The following FOXA2 variants were observed in gnomAD, a reference collection of about 807,000 sequenced individuals.
FOXA2 encodes forkhead box A2.
Under a neutral mutation model 33.3 loss-of-function variants are expected in FOXA2, and 9 were observed. The observed-to-expected ratio is 0.27, with a 90% CI of 0.16 to 0.47. The LOEUF (loss-of-function observed/expected upper bound fraction) is 0.47. Ranked by LOEUF, FOXA2 falls within the 20% of genes least tolerant of loss-of-function variation. FOXA2 has a pLI of 0.99. For missense variants in FOXA2, 704 were observed against 659.9 expected (o/e 1.07, Z -0.73); for synonymous variants, 329 against 289.4 (o/e 1.14, Z -1.39).
In FOXA2 at chr20:22,581,938, T is replaced by C. The variant is rs374693904; in HGVS notation, c.1304A>G (p.Asn435Ser). 3.7e-6 allele frequency: 6 copies of C among 1,611,436 alleles called. No homozygotes were observed. The African/African-American group carries it at 6.7e-5, about 18-fold the overall frequency. ...GGGCGAGGCGTCCAGGCCCGTTTTGTTCGTGACCGGGCCCATGGCCAAGCT... is the reference window on the plus strand; with the variant it reads ...GGGCGAGGCGTCCAGGCCCGTTTTGCTCGTGACCGGGCCCATGGCCAAGCT... ...PGSLAMGPVTNKTGLDASPLA... is the reference protein window; with the variant it reads ...PGSLAMGPVTSKTGLDASPLA... The change falls in exon 2 of 2, where the codon AAC (asparagine) becomes AGC (serine). Residue 435 changes from asparagine (N) to serine (S), a missense_variant. Around this residue, in one of 5 missense-constraint regions of FOXA2, gnomAD observed 343 missense variants for 274.8 expected, o/e 1.25. Coordinates refer to ENST00000419308, the MANE Select transcript of FOXA2 (RefSeq NM_021784.5).
rs1031927777 is a variant in FOXA2, at chr20:22,581,381, T to A, written c.*469A>T. On this transcript the variant is annotated 3_prime_UTR_variant, in exon 2 of 2. Transcript: ENST00000419308. ...ATTTACAACAGACCCTTACATTATT[T>A]TTTTTCCTGTTTTTAAACAATAGTA... The A allele has an allele frequency of 1.3e-5, 2 of 153,440 alleles. No homozygotes were observed. Among genetic ancestry groups the A allele is most frequent in the African/African-American group, 4.8e-5 (2 of 41,490 alleles). 9.5% of individuals were successfully genotyped at this position (153,440 alleles called of 1,614,324 possible).
rs1303002383 is a variant in FOXA2, at chr20:22,583,052, T to G, written c.190A>C (p.Met64Leu). 1 of 1,610,006 alleles carries G rather than the reference T, an allele frequency of 6.2e-7. No individual in the cohort carries two copies. The highest frequency in any genetic ancestry group is 2.2e-5 in the East Asian group (1 of 44,844). ...AAAMGSGSGN[M>L]SAGSMNMSSY... ...GACATGTTCATGGAGCCCGCGCTCA[T>G]GTTGCCCGAGCCGCTGCCCATGGCG... Residue 64 changes from methionine (M) to leucine (L), a missense_variant, in exon 2 of 2, where the codon ATG becomes CTG. This residue lies in a region of FOXA2 where 304 missense variants were observed against 251.7 expected (regional missense o/e 1.21). Coordinates refer to ENST00000419308, the MANE Select transcript of FOXA2 (RefSeq NM_021784.5).
chr20:22,584,423 C>A lies in FOXA2; in HGVS notation c.-145G>T. 1 of 693,532 alleles carries A rather than the reference C, an allele frequency of 1.4e-6. No homozygotes were observed. The highest frequency in any genetic ancestry group is 2.1e-5 in the Admixed American group (1 of 47,510). The allele number at this position is 693,532 out of a possible 1,614,324, so 43.0% of individuals were successfully genotyped here. A position where few individuals can be genotyped will look rare whatever the true frequency, so the allele number is the denominator to read the frequency against. On this transcript the variant is annotated 5_prime_UTR_variant, in exon 1 of 2. Transcript: ENST00000419308. ...TCTCCCTGGGCTCCACTCCCTCTCT[C>A]TCCCTGGGCAGGCCGGAGGCGGTAG...
intron 1 of FOXA2, among the ~76,000 whole-genome samples, chr20:22,583,647 C>A (rs530403490): frequency 2.0e-5 from 3 of 152,224 alleles, no homozygotes; most frequent in Admixed American, 6.5e-5. Flanking sequence ...TCCAGGGACC[C>A]CCTCCCTTGT....
intron 1 of FOXA2, 46 bp from the exon 2 acceptor site, chr20:22,583,200 G>T: frequency 6.3e-7 from 1 of 1,594,520 alleles, no homozygotes; most frequent in Non-Finnish European, 8.5e-7. Flanking sequence ...TAGCACCGCG[G>T]CTGGAGGGTG....
chr20:22,582,610 T>C lies in FOXA2; in HGVS notation c.632A>G (p.Asn211Ser). 1 of 1,613,454 alleles carries C rather than the reference T, an allele frequency of 6.2e-7. No individual in the cohort carries two copies. The highest frequency in any genetic ancestry group is 8.5e-7 in the Non-Finnish European group (1 of 1,179,876). ...FYRQNQQRWQ[N>S]SIRHSLSFND... ...GAAGGAGAGCGAGTGGCGGATGGAG[T>C]TCTGCCAGCGCTGCTGGTTCTGCCG... Residue 211 changes from asparagine to serine, a missense_variant, in exon 2 of 2, where the codon AAC becomes AGC. Transcript: ENST00000419308.
rs752200690 is a variant in FOXA2, at chr20:22,581,981, C to A, written c.1261G>T (p.Gly421Cys). The A allele has an allele frequency of 6.2e-7, 1 of 1,613,710 alleles. No homozygotes were observed. Among genetic ancestry groups the A allele is most frequent in the South Asian group, 1.1e-5 (1 of 91,078 alleles). Residue 421 changes from glycine (G) to cysteine (C), a missense_variant, in exon 2 of 2, where the codon GGT becomes TGT. This residue lies in a region of FOXA2 where 343 missense variants were observed against 274.8 expected (regional missense o/e 1.25). Coordinates refer to ENST00000419308, the MANE Select transcript of FOXA2 (RefSeq NM_021784.5). Reference sequence around the variant, plus strand: ...GCCAAGCTGCCAGGCATGGGGGAACCGTAGCCGGGGTAGTGCATCACCTGT... The same window carrying A: ...GCCAAGCTGCCAGGCATGGGGGAACAGTAGCCGGGGTAGTGCATCACCTGT... Reference protein sequence around the residue: ...YEQVMHYPGYGSPMPGSLAMG... With the variant: ...YEQVMHYPGYCSPMPGSLAMG...
rs1476371668 is a variant in FOXA2 at position 22,582,975 on chromosome 20, G to A, written c.267C>T (p.Gly89=). 2 of 1,603,474 alleles carry A rather than the reference G, an allele frequency of 1.2e-6. No individual in the cohort carries two copies. The highest frequency in any genetic ancestry group is 2.7e-5 in the African/African-American group (2 of 74,710). ...MSPSLAGMSP[G]AGAMAGMGGS... is the part of the protein sequence containing the mutation. Reference sequence around the variant, plus strand: ...CGCCCATGCCCGCCATGGCGCCCGCGCCGGGGGACATCCCCGCCAGGGACG... The same window carrying A: ...CGCCCATGCCCGCCATGGCGCCCGCACCGGGGGACATCCCCGCCAGGGACG... Residue 89 remains glycine, a synonymous_variant, in exon 2 of 2, where the codon GGC becomes GGT. Transcript: ENST00000419308.
upstream of FOXA2, among the ~76,000 whole-genome samples, chr20:22,585,015 C>T (rs953821547): frequency 9.2e-5 from 14 of 152,188 alleles, no homozygotes; most frequent in African/African-American, 2.9e-4. Flanking sequence ...CAGCGAGTCC[C>T]CTGAGGAAGG....
intron 1 of FOXA2, 58 bp downstream of exon 1, chr20:22,584,134 G>A (rs1984684555): frequency 1.3e-5 from 20 of 1,544,064 alleles, no homozygotes; most frequent in Middle Eastern, 2.3e-4. Flanking sequence ...CGGTCCTGAG[G>A]TTGGGGAAGG....
Position 22,584,424 on chromosome 20 carries a change from T to C in FOXA2, c.-146A>G. On this transcript the variant is annotated 5_prime_UTR_variant, in exon 1 of 2. Transcript: ENST00000419308. ...CTCCCTGGGCTCCACTCCCTCTCTC[T>C]CCCTGGGCAGGCCGGAGGCGGTAGT... is the stretch of plus-strand genomic sequence containing the variant. 2.2e-6 allele frequency: 1 copy of C among 445,252 alleles called. No individual in the cohort carries two copies. The highest frequency in any genetic ancestry group is 4.3e-6 in the Non-Finnish European group (1 of 231,196). 27.6% of individuals were successfully genotyped at this position (445,252 alleles called of 1,614,324 possible).
chr20:22,581,597 A>T lies in FOXA2; in HGVS notation c.*253T>A. On this transcript the variant is annotated 3_prime_UTR_variant, in exon 2 of 2. Transcript: ENST00000419308. ...TAGTGGAAACCGGAGGCTTTTTTTT[A>T]ACTTTATATTCTTTCCCGTTTTCCT... 8.2e-6 allele frequency: 3 copies of T among 365,912 alleles called. No homozygotes were observed. The highest frequency in any genetic ancestry group is 1.5e-5 in the Non-Finnish European group (3 of 204,606). 22.7% of individuals were successfully genotyped at this position (365,912 alleles called of 1,614,324 possible).
Position 22,581,893 on chromosome 20 carries a change from T to C in FOXA2, c.1349A>G (p.Tyr450Cys), listed in dbSNP as rs753849283. 10 of 1,606,120 alleles carry C rather than the reference T, an allele frequency of 6.2e-6. No homozygotes were observed. In the South Asian group the frequency reaches 6.6e-5, roughly 11 times the overall value. Residue 450 changes from tyrosine to cysteine, a missense_variant, in exon 2 of 2, where the codon TAC becomes TGC. By Grantham distance (194) the Tyr-to-Cys change is radical. This residue lies in a region of FOXA2 where 343 missense variants were observed against 274.8 expected (regional missense o/e 1.25). Transcript: ENST00000419308. ...GGGCCGGGAGTACACCCCCTGGTAGTAGGAGGTATCTGCGGCCAGGGGCGA... is the reference window on the plus strand; with the variant it reads ...GGGCCGGGAGTACACCCCCTGGTAGCAGGAGGTATCTGCGGCCAGGGGCGA... ...DASPLAADTS[Y>C]YQGVYSRPIM... is the part of the protein sequence containing the mutation.
chr20:22,584,271 G>C lies in FOXA2; in HGVS notation c.8C>G (p.Ser3Trp), dbSNP rs941064640. ...CACCGCTCCCAGCATACTGGAAGCC[G>C]AGTGCATGGCAGTTTAAAATTTAAC... MH[S>W]ASSMLGAVKM... Residue 3 changes from serine to tryptophan, a missense_variant, in exon 1 of 2, where the codon TCG becomes TGG. Ser to Trp is a radical substitution (Grantham distance 177). Transcript: ENST00000419308. 2.0e-5 allele frequency: 32 copies of C among 1,613,606 alleles called. No homozygotes were observed. The highest frequency in any genetic ancestry group is 2.7e-5 in the Non-Finnish European group (32 of 1,179,758).
In FOXA2 at chr20:22,583,036, A is replaced by C; in HGVS notation, c.206T>G (p.Met69Arg). 6.2e-7 allele frequency: 1 copy of C among 1,610,070 alleles called. No individual in the cohort carries two copies. The highest frequency in any genetic ancestry group is 1.1e-5 in the South Asian group (1 of 91,056). ...SGSGNMSAGS[M>R]NMSSYVGAGM... ...AGCGCCCACGTACGACGACATGTTC[A>C]TGGAGCCCGCGCTCATGTTGCCCGA... Residue 69 changes from methionine to arginine, a missense_variant, in exon 2 of 2, where the codon ATG becomes AGG. By Grantham distance (91) the Met-to-Arg change is moderately conservative (BLOSUM62 -1). Around this residue, in one of 5 missense-constraint regions of FOXA2, gnomAD observed 304 missense variants for 251.7 expected, o/e 1.21. Transcript: ENST00000419308.
Position 22,584,398 on chromosome 20 carries a change from T to A in FOXA2, c.-120A>T. 1 of 685,236 alleles carries A rather than the reference T, an allele frequency of 1.5e-6. No individual in the cohort carries two copies. The highest frequency in any genetic ancestry group is 3.7e-5 in the East Asian group (1 of 26,966). The allele number at this position is 685,236 out of a possible 1,614,324, so 42.4% of individuals were successfully genotyped here. ...TCCTCCCTCCCTCTCTCGCGCTCCCTCTCCCTGGGCTCCACTCCCTCTCTC... is the reference window on the plus strand; with the variant it reads ...TCCTCCCTCCCTCTCTCGCGCTCCCACTCCCTGGGCTCCACTCCCTCTCTC... On this transcript the variant is annotated 5_prime_UTR_variant, in exon 1 of 2. Coordinates refer to ENST00000419308, the MANE Select transcript of FOXA2 (RefSeq NM_021784.5).
rs996730665 is a variant in FOXA2 at position 22,584,310 on chromosome 20, G to C, written c.-32C>G. ...TTAAAATTTAACAGCCACAACAAAC[G>C]ACCAGCAATCACCCCCCACCCCCAC... On this transcript the variant is annotated 5_prime_UTR_variant, in exon 1 of 2. Transcript: ENST00000419308. The C allele has an allele frequency of 2.1e-5, 34 of 1,583,562 alleles. No individual in the cohort carries two copies. The highest frequency in any genetic ancestry group is 2.9e-5 in the Non-Finnish European group (34 of 1,153,958).
In FOXA2 at chr20:22,582,691, T is replaced by C; in HGVS notation, c.551A>G (p.Lys184Arg). Residue 184 changes from lysine to arginine, a missense_variant, in exon 2 of 2, where the codon AAG (lysine) becomes AGG (arginine). Physicochemically the swap from Lys to Arg is conservative, Grantham distance 26. Around this residue, in one of 5 missense-constraint regions of FOXA2, gnomAD observed 32 missense variants for 60.2 expected, o/e 0.53. Transcript: ENST00000419308. ...GTAGATCTCGCTCAGCGTCAGCATC[T>C]TGTTGGGGCTCTGCTGGATGGCCAT... ...ITMAIQQSPN[K>R]MLTLSEIYQW... The C allele has an allele frequency of 6.2e-7, 1 of 1,614,112 alleles. No homozygotes were observed. The highest frequency in any genetic ancestry group is 8.5e-7 in the Non-Finnish European group (1 of 1,180,004).
In FOXA2 at chr20:22,584,389, C is replaced by T. The variant is rs1365280329; in HGVS notation, c.-111G>A. 5 of 849,386 alleles carry T rather than the reference C, an allele frequency of 5.9e-6. No homozygotes were observed. The highest frequency in any genetic ancestry group is 2.9e-5 in the South Asian group (2 of 68,924). The allele number at this position is 849,386 out of a possible 1,614,324, so 52.6% of individuals were successfully genotyped here. ...ACCGTCCCCTCCTCCCTCCCTCTCT[C>T]GCGCTCCCTCTCCCTGGGCTCCACT... On this transcript the variant is annotated 5_prime_UTR_variant, in exon 1 of 2. Transcript: ENST00000419308.
Sources: allele counts gnomAD v4.1 joint callset (sites outside exome capture counted in the v4.1 genomes callset), GRCh38; gene constraint gnomAD v4.1.1; regional missense constraint gnomAD v4.1.1; transcripts MANE v1.5; gene names NCBI Gene and HGNC (gene_info 2026-07-23, HGNC 2026-07-21).